The following NCOA3 variants were observed in gnomAD, a reference collection of about 807,000 sequenced individuals.
The protein encoded by NCOA3 is nuclear receptor coactivator 3, also known as CBP-interacting protein.
NCOA3 carries 51 observed loss-of-function variants against 158.8 expected under a neutral mutation model. The observed-to-expected ratio is 0.32, with a 90% CI of 0.26 to 0.41. NCOA3 has a LOEUF of 0.41. Among genes scored for constraint, NCOA3 ranks in the 10% least tolerant of loss-of-function variants. NCOA3 has a pLI of 1.00. For missense variants in NCOA3, 1,510 were observed against 1,746.6 expected (o/e 0.86, Z 2.41); for synonymous variants, 537 against 592.4 (o/e 0.91, Z 1.36).
At chr20:47,641,445 A>AC (rs1238987679) in intron 16 of NCOA3, among the ~76,000 whole-genome samples, 1 of 140,306 alleles carries the variant, frequency 7.1e-6, no homozygotes, top group African/African-American at 2.7e-5. Context: ...TCTACCTCCC[A>AC]AAGTTCTGGG....
At chr20:47,519,665 C>A (rs1277641523) in intron 1 of NCOA3, among the ~76,000 whole-genome samples, 1 of 152,178 alleles carries the variant, frequency 6.6e-6, no homozygotes, top group Non-Finnish European at 1.5e-5. Flanking sequence ...TGGTGGCACA[C>A]ACCTGTAATT....
At chr20:47,552,930 ATTT>A (rs11407921) in intron 1 of NCOA3, among the ~76,000 whole-genome samples, 1 of 142,692 alleles carries the variant, frequency 7.0e-6, no homozygotes. Flanking sequence ...ACATGGTTAG[ATTT>A]TTTTTTTTTT....
intron 1 of NCOA3, among the ~76,000 whole-genome samples, chr20:47,509,071 G>C (rs778944241): frequency 6.6e-6 from 1 of 152,150 alleles, no homozygotes; most frequent in Non-Finnish European, 1.5e-5. Flanking sequence ...AGATAACCGT[G>C]TGAAGTTAGA....
chr20:47,519,263 T>G (rs976062142), intron 1 of NCOA3, among the ~76,000 whole-genome samples: 4 of 151,960 alleles, frequency 2.6e-5, no homozygotes, highest in Non-Finnish European at 5.9e-5. Flanking sequence ...GGTGAAATGC[T>G]GTCTCTACTA....
At chr20:47,561,834 T>G (rs978751685) in intron 1 of NCOA3, among the ~76,000 whole-genome samples, 1 of 152,196 alleles carries the variant, frequency 6.6e-6, no homozygotes, top group African/African-American at 2.4e-5. Flanking sequence ...TCTGTGAGTT[T>G]AGGCAAATTT....
intron 1 of NCOA3, among the ~76,000 whole-genome samples, chr20:47,543,491 T>C (rs1003979505): frequency 6.6e-6 from 1 of 152,020 alleles, no homozygotes; most frequent in African/African-American, 2.4e-5. Flanking sequence ...AGAAAAACTT[T>C]TTCTTTCTTT....
At chr20:47,525,423 T>C (rs2084413841) in intron 1 of NCOA3, among the ~76,000 whole-genome samples, 1 of 150,874 alleles carries the variant, frequency 6.6e-6, no homozygotes, top group Non-Finnish European at 1.5e-5. Context: ...ATTGTCATCA[T>C]GGCCCGTTCT....
At chr20:47,544,782 T>C (rs959413903) in intron 1 of NCOA3, among the ~76,000 whole-genome samples, 2 of 152,206 alleles carry the variant, frequency 1.3e-5, no homozygotes, top group Non-Finnish European at 2.9e-5. Context: ...TTGGAACATA[T>C]AGTCATTATG....
chr20:47,618,372 TAGAC>T (rs1246569694), intron 2 of NCOA3, among the ~76,000 whole-genome samples: 9 of 142,086 alleles, frequency 6.3e-5, no homozygotes, highest in African/African-American at 2.0e-4. Flanking sequence ...TTTTTTTTTA[TAGAC>T]AGAATTCACT....
intron 1 of NCOA3, among the ~76,000 whole-genome samples, chr20:47,570,937 T>TACACACAC (rs201885909): frequency 1.7e-3 from 190 of 111,742 alleles, no homozygotes; most frequent in African/African-American, 4.5e-3. Flanking sequence ...CAGTAATATA[T>TACACACAC]ATACACACAC....
intron 1 of NCOA3, among the ~76,000 whole-genome samples, chr20:47,580,762 A>T (rs2085440332): frequency 6.6e-6 from 1 of 152,102 alleles, no homozygotes; most frequent in Non-Finnish European, 1.5e-5. Flanking sequence ...TTCTCCGTTC[A>T]TCTTACACGA....
In NCOA3 at chr20:47,526,322, G is replaced by A. The variant is rs370195285; in HGVS notation, c.-99+24303G>A. On this transcript the variant is annotated intron_variant, in intron 1 of 22. Transcript: ENST00000371998. Reference sequence around the variant, plus strand: ...GCTCCTCACATCCCAGACGATGGGCGGCCAGGCGGAGATGCTCCTCACTTC... The same window carrying A: ...GCTCCTCACATCCCAGACGATGGGCAGCCAGGCGGAGATGCTCCTCACTTC... 4.5e-4 allele frequency among the ~76,000 whole-genome samples: 68 copies of A among 151,652 alleles called. No homozygotes were observed. In the Middle Eastern group the frequency reaches 0.017, roughly 38 times the overall value.
chr20:47,600,110 T>G (rs974604539), intron 2 of NCOA3, among the ~76,000 whole-genome samples: 2 of 143,036 alleles, frequency 1.4e-5, no homozygotes, highest in African/African-American at 5.2e-5. Context: ...CTCACTTCCT[T>G]TGTGTGTGTG....
chr20:47,604,469 C>CAT (rs1449143808), intron 2 of NCOA3, among the ~76,000 whole-genome samples: 3 of 152,160 alleles, frequency 2.0e-5, no homozygotes, highest in Non-Finnish European at 4.4e-5. Flanking sequence ...ACAAGTATCC[C>CAT]ATGTCTGTCT....
chr20:47,647,902 T>A (rs1049781320), intron 18 of NCOA3, among the ~76,000 whole-genome samples: 17 of 147,914 alleles, frequency 1.1e-4, no homozygotes, highest in African/African-American at 4.0e-4. Flanking sequence ...TTTTTGTTTG[T>A]TTGTTTGTTT....
chr20:47,529,132 TTTTTC>T (rs1236928490), intron 1 of NCOA3, among the ~76,000 whole-genome samples: 17 of 151,366 alleles, frequency 1.1e-4, no homozygotes, highest in Non-Finnish European at 2.2e-4. Flanking sequence ...AAAAAAATTT[TTTTTC>T]TTTTTTTTTT....
At chr20:47,521,915 T>G (rs975096844) in intron 1 of NCOA3, among the ~76,000 whole-genome samples, 1 of 152,180 alleles carries the variant, frequency 6.6e-6, no homozygotes, top group Non-Finnish European at 1.5e-5. Flanking sequence ...AATCAGCTTA[T>G]TTCTGTGAAA....
At chr20:47,584,722 G>C (rs972294444) in intron 2 of NCOA3, among the ~76,000 whole-genome samples, 2 of 114,794 alleles carry the variant, frequency 1.7e-5, no homozygotes, top group Non-Finnish European at 3.5e-5. Context: ...GAGTAGGCTT[G>C]AGGAGGAGAA....
chr20:47,578,665 C>G (rs1407213730), intron 1 of NCOA3, among the ~76,000 whole-genome samples: 4 of 152,194 alleles, frequency 2.6e-5, no homozygotes, highest in Non-Finnish European at 4.4e-5. Flanking sequence ...TGGATTTTGA[C>G]GTTAAATTTA....
Sources: allele counts gnomAD v4.1 joint callset (sites outside exome capture counted in the v4.1 genomes callset), GRCh38; gene constraint gnomAD v4.1.1; transcripts MANE v1.5; gene names NCBI Gene and HGNC (gene_info 2026-07-23, HGNC 2026-07-21).